UNC5C: variants seen among roughly 807,000 people sequenced by gnomAD.
UNC5C encodes unc-5 netrin receptor C, also known as netrin receptor UNC5C.
In UNC5C, 47 loss-of-function variants were observed where a neutral mutation model predicts 99.8. The observed-to-expected ratio is 0.47, with a 90% CI of 0.37 to 0.60. UNC5C has a LOEUF of 0.60. Ranked by LOEUF, UNC5C falls within the 20% of genes least tolerant of loss-of-function variation. The probability of loss-of-function intolerance (pLI) is 0.00; values close to 1 mark genes in which losing one functional copy is unlikely to be tolerated. For missense variants in UNC5C, 1,062 were observed against 1,165.9 expected (o/e 0.91, Z 1.30); for synonymous variants, 487 against 452.2 (o/e 1.08, Z -0.98).
intron 1 of UNC5C, among the ~76,000 whole-genome samples, chr4:95,414,529 T>A (rs775236616): frequency 6.6e-6 from 1 of 152,154 alleles, no homozygotes; most frequent in African/African-American, 2.4e-5. Context: ...ATAAAGAAAA[T>A]ACCTAGCAAC....
chr4:95,461,365 G>A (rs574268262), intron 1 of UNC5C, among the ~76,000 whole-genome samples: 3 of 97,946 alleles, frequency 3.1e-5, no homozygotes, highest in Admixed American at 1.8e-4. Context: ...AAAAGAAGAT[G>A]TTATGCTCTG....
chr4:95,393,875 GAT>G (rs1745434214), intron 1 of UNC5C, among the ~76,000 whole-genome samples: 1 of 134,544 alleles, frequency 7.4e-6, no homozygotes, highest in Non-Finnish European at 1.6e-5. Context: ...AAAAAAAACA[GAT>G]TGCTATAAAT....
rs764537527 is a variant in UNC5C at position 95,211,802 on chromosome 4, G to A, written c.1733+4322C>T. Reference sequence around the variant, plus strand: ...TATTTAAATTTATTTCTCTTATTGAGAAGTGTTTTCGTAAACTATCTTGAA... The same window carrying A: ...TATTTAAATTTATTTCTCTTATTGAAAAGTGTTTTCGTAAACTATCTTGAA... On this transcript the variant is annotated intron_variant, in intron 10 of 15. Coordinates refer to ENST00000453304, the MANE Select transcript of UNC5C (RefSeq NM_003728.4). Among the ~76,000 whole-genome samples the A allele has an allele frequency of 1.1e-4, 16 of 151,908 alleles. No homozygotes were observed. In the South Asian group the frequency reaches 1.7e-3, roughly 16 times the overall value.
At chr4:95,327,252 C>G (rs997208190) in intron 2 of UNC5C, among the ~76,000 whole-genome samples, 1 of 152,030 alleles carries the variant, frequency 6.6e-6, no homozygotes, top group Admixed American at 6.5e-5. Flanking sequence ...TCTGATCTCA[C>G]AGGAAAGCAA....
chr4:95,495,536 T>G (rs555700206), intron 1 of UNC5C, among the ~76,000 whole-genome samples: 1 of 151,780 alleles, frequency 6.6e-6, no homozygotes, highest in South Asian at 2.1e-4. Context: ...GTACTTAACA[T>G]CATAAAGATC....
At chr4:95,173,947 ACTT>A (rs1161844816) in intron 14 of UNC5C, among the ~76,000 whole-genome samples, 1 of 151,838 alleles carries the variant, frequency 6.6e-6, no homozygotes, top group Admixed American at 6.6e-5. Context: ...CAGAGATTCA[ACTT>A]CTTCCTGGTT....
chr4:95,424,518 C>CTTTCTTTTTTTTTTTTTTTTTTTTTTT (rs1746411107), intron 1 of UNC5C, among the ~76,000 whole-genome samples: 16 of 67,952 alleles, frequency 2.4e-4, no homozygotes, highest in Non-Finnish European at 3.5e-4. Flanking sequence ...TTTTTCTTTT[C>CTTTCTTTTTTTTTTTTTTTTTTTTTTT]TTTTTTTTTT....
intron 12 of UNC5C, among the ~76,000 whole-genome samples, chr4:95,186,469 A>C (rs915104775): frequency 6.6e-6 from 1 of 152,190 alleles, no homozygotes; most frequent in Admixed American, 6.5e-5. Context: ...TAACCCATGC[A>C]CTTGTAGAGC....
chr4:95,537,701 T>C (rs1385669), intron 1 of UNC5C, among the ~76,000 whole-genome samples: 108,966 of 152,026 alleles, frequency 0.72, 39,572 homozygotes, highest in African/African-American at 0.81. Flanking sequence ...TTCAATTTCA[T>C]TTCAGACAGC....
intron 1 of UNC5C, among the ~76,000 whole-genome samples, chr4:95,368,716 T>G (rs1178964846): frequency 2.0e-5 from 3 of 152,188 alleles, no homozygotes; most frequent in Non-Finnish European, 4.4e-5. Flanking sequence ...CATATGTAAT[T>G]TAAAATTTTC....
At chr4:95,425,391 G>C (rs1009726267) in intron 1 of UNC5C, among the ~76,000 whole-genome samples, 22 of 152,284 alleles carry the variant, frequency 1.4e-4, no homozygotes, top group African/African-American at 5.3e-4. Flanking sequence ...GCGCGATCTC[G>C]GCTCACTGCA....
At chr4:95,443,172 C>T (rs1370756582) in intron 1 of UNC5C, among the ~76,000 whole-genome samples, 1 of 152,110 alleles carries the variant, frequency 6.6e-6, no homozygotes, top group African/African-American at 2.4e-5. Context: ...CTGGATATGG[C>T]AAGCAGGTTG....
At chr4:95,425,420 C>T (rs1455269611) in intron 1 of UNC5C, among the ~76,000 whole-genome samples, 1 of 152,236 alleles carries the variant, frequency 6.6e-6, no homozygotes, top group Non-Finnish European at 1.5e-5. Context: ...CTCCCGGGCT[C>T]CCGCCATTCT....
chr4:95,274,752 G>A (rs115716057), intron 4 of UNC5C, among the ~76,000 whole-genome samples: 3,215 of 151,986 alleles, frequency 0.021, 81 homozygotes, highest in South Asian at 0.072. Flanking sequence ...GGGGCCAGGC[G>A]TGGTAGCTCA....
intron 1 of UNC5C, among the ~76,000 whole-genome samples, chr4:95,463,049 C>T (rs1747652354): frequency 1.3e-5 from 2 of 152,276 alleles, no homozygotes; most frequent in Middle Eastern, 3.4e-3. Flanking sequence ...AGGTAGTCTT[C>T]CAGCTGCCGC....
chr4:95,389,191 C>G lies in UNC5C; in HGVS notation c.125-53560G>C, dbSNP rs1208902375. ...AGCAGGGCACATGGTTATACAAACCCACAAAACATGCAAAGCTGTTGGAAA... is the reference window on the plus strand; with the variant it reads ...AGCAGGGCACATGGTTATACAAACCGACAAAACATGCAAAGCTGTTGGAAA... On this transcript the variant is annotated intron_variant, in intron 1 of 15. Coordinates refer to ENST00000453304, the MANE Select transcript of UNC5C (RefSeq NM_003728.4). 2.6e-5 allele frequency among the ~76,000 whole-genome samples: 4 copies of G among 152,100 alleles called. No homozygotes were observed. The South Asian group carries it at 8.3e-4, about 32-fold the overall frequency.
chr4:95,386,000 C>T (rs6830741), intron 1 of UNC5C, among the ~76,000 whole-genome samples: 85,308 of 151,662 alleles, frequency 0.56, 24,224 homozygotes, highest in East Asian at 0.7. Flanking sequence ...TCCTGGCATT[C>T]GCTCTCCTCA....
intron 1 of UNC5C, among the ~76,000 whole-genome samples, chr4:95,497,631 T>C (rs1721665187): frequency 6.6e-6 from 1 of 151,986 alleles, no homozygotes; most frequent in Admixed American, 6.6e-5. Flanking sequence ...TTTAATACAC[T>C]ACAAAATGCA....
intron 15 of UNC5C, 68 bp from the exon 16 acceptor site, chr4:95,169,467 C>T (rs889727020): frequency 7.8e-6 from 12 of 1,540,826 alleles, no homozygotes; most frequent in Middle Eastern, 1.7e-4. Context: ...TCAGCTAAAC[C>T]TTTCTGTCTC....
Sources: gnomAD v4.1 joint callset for allele counts (sites outside exome capture counted in the v4.1 genomes callset) on GRCh38, gnomAD v4.1.1 for gene constraint, MANE v1.5 for transcripts, NCBI Gene and HGNC (gene_info 2026-07-23, HGNC 2026-07-21) for gene names.